Variants in DENND1B observed in about 807,000 individuals in gnomAD.
DENND1B encodes DENN domain-containing protein 1B.
Under a neutral mutation model 90.1 loss-of-function variants are expected in DENND1B, and 59 were observed. The observed-to-expected ratio is 0.65, with a 90% CI of 0.53 to 0.81. The LOEUF is 0.81. Ranked by LOEUF, DENND1B falls within the 40% of genes least tolerant of loss-of-function variation. The pLI is 0.00. For missense variants in DENND1B, 862 were observed against 912.6 expected (o/e 0.94, Z 0.71); for synonymous variants, 337 against 324.6 (o/e 1.04, Z -0.41).
At chr1:197,517,801 A>C (rs1668503623) in intron 20 of DENND1B, among the ~76,000 whole-genome samples, 1 of 151,822 alleles carries the variant, frequency 6.6e-6, no homozygotes, top group South Asian at 2.1e-4. Context: ...TGTTTGCTCC[A>C]CACTACTAAA....
At chr1:197,595,112 G>C in intron 14 of DENND1B, 96 bp downstream of exon 14, 1 of 1,370,636 alleles carries the variant, frequency 7.3e-7, no homozygotes, top group East Asian at 2.6e-5. Context: ...GATATTTTTT[G>C]AAGGTGTAAT....
At chr1:197,781,768 G>A in the DENND1B span, among the ~76,000 whole-genome samples, 9 of 152,014 alleles carry the variant, frequency 5.9e-5, no homozygotes, top group Admixed American at 2.0e-4. Context: ...TCCAGTTTGT[G>A]GACAAAAGAA....
intron 1 of DENND1B, 101 bp downstream of exon 1, chr1:197,775,038 C>CG: frequency 1.2e-6 from 1 of 856,842 alleles, no homozygotes; most frequent in Non-Finnish European, 1.5e-6. Flanking sequence ...CTCGGCCGCC[C>CG]GGGGAGCCGG....
At chr1:197,607,032 G>A in intron 13 of DENND1B, 41 bp downstream of exon 13, 22 of 1,450,336 alleles carry the variant, frequency 1.5e-5, no homozygotes, top group Non-Finnish European at 2.1e-5. Context: ...AGGTCCAGGA[G>A]AAAACATATA....
chr1:197,714,375 CAT>C (rs772278070), intron 3 of DENND1B, among the ~76,000 whole-genome samples: 5 of 152,086 alleles, frequency 3.3e-5, no homozygotes, highest in South Asian at 4.2e-4. Flanking sequence ...AAATCTATAA[CAT>C]AAAGTTTAAA....
At chr1:197,618,645 T>C (rs577442269) in intron 10 of DENND1B, among the ~76,000 whole-genome samples, 1 of 151,172 alleles carries the variant, frequency 6.6e-6, no homozygotes, top group East Asian at 1.9e-4. Context: ...ATTATATTTC[T>C]GTAGATGTAA....
intron 15 of DENND1B, among the ~76,000 whole-genome samples, chr1:197,578,869 ACCTCC>A (rs1363010896): frequency 6.6e-6 from 1 of 151,368 alleles, no homozygotes; most frequent in African/African-American, 2.4e-5. Flanking sequence ...CCTTTAAGGG[ACCTCC>A]CTAGTTAGCC....
At chr1:197,522,872 GA>G (rs1185459608) in intron 20 of DENND1B, among the ~76,000 whole-genome samples, 2 of 152,010 alleles carry the variant, frequency 1.3e-5, no homozygotes, top group Non-Finnish European at 2.9e-5. Flanking sequence ...AAACAGGTAA[GA>G]AAAAAATCTG....
At chr1:197,713,261 G>T (rs1312748075) in intron 3 of DENND1B, among the ~76,000 whole-genome samples, 1 of 72,084 alleles carries the variant, frequency 1.4e-5, no homozygotes, top group Non-Finnish European at 2.5e-5. Context: ...TATAAATCAT[G>T]CTGCTAAAAA....
chr1:197,618,762 T>C (rs2125865361), intron 10 of DENND1B, among the ~76,000 whole-genome samples: 1 of 151,256 alleles, frequency 6.6e-6, no homozygotes, highest in African/African-American at 2.4e-5. Flanking sequence ...TTTATTCAAC[T>C]TGAAGATCAG....
intron 8 of DENND1B, 67 bp from the exon 9 acceptor site, chr1:197,645,810 A>G: frequency 9.3e-7 from 1 of 1,075,794 alleles, no homozygotes; most frequent in Admixed American, 2.8e-5. Flanking sequence ...ATTTGTAATG[A>G]AAATCAGAAA....
chr1:197,654,014 C>T (rs899538368), intron 6 of DENND1B, among the ~76,000 whole-genome samples: 4 of 152,016 alleles, frequency 2.6e-5, no homozygotes, highest in African/African-American at 9.7e-5. Context: ...TAAAATTATT[C>T]AACTGTAAAA....
chr1:197,530,846 C>CT (rs1436189201), intron 20 of DENND1B, among the ~76,000 whole-genome samples: 2 of 152,122 alleles, frequency 1.3e-5, no homozygotes, highest in African/African-American at 4.8e-5. Flanking sequence ...AACATTAAGG[C>CT]TTAGGGATAT....
At chr1:197,697,709 A>G (rs1361508191) in intron 3 of DENND1B, among the ~76,000 whole-genome samples, 1 of 152,026 alleles carries the variant, frequency 6.6e-6, no homozygotes, top group Non-Finnish European at 1.5e-5. Context: ...GGATCAAAAT[A>G]AAGGGATGGA....
intron 2 of DENND1B, among the ~76,000 whole-genome samples, chr1:197,749,637 G>C (rs1017818723): frequency 6.6e-6 from 1 of 151,880 alleles, no homozygotes; most frequent in Non-Finnish European, 1.5e-5. Flanking sequence ...TAATACTCCA[G>C]GCTAAAAGAA....
chr1:197,654,054 GCAAT>G (rs780651890), intron 6 of DENND1B, among the ~76,000 whole-genome samples: 86 of 152,136 alleles, frequency 5.7e-4, no homozygotes, highest in Non-Finnish European at 1.0e-3. Flanking sequence ...ATAGAATTAA[GCAAT>G]CAAATATATA....
In DENND1B at chr1:197,555,897, T is replaced by C. The variant is rs149448690; in HGVS notation, c.1150-2785A>G. 5.9e-3 allele frequency among the ~76,000 whole-genome samples: 897 copies of C among 152,150 alleles called. 13 individuals are homozygous for C. The highest frequency in any genetic ancestry group is 0.02 in the African/African-American group (839 of 41,550). Reference sequence around the variant, plus strand: ...ATAAATAATTCCTCCAAAAAGACACTTGCATTTGTATGTTTATCCCGGCAC... The same window carrying C: ...ATAAATAATTCCTCCAAAAAGACACCTGCATTTGTATGTTTATCCCGGCAC... On this transcript the variant is annotated intron_variant, in intron 15 of 22. Transcript: ENST00000620048.
intron 8 of DENND1B, among the ~76,000 whole-genome samples, chr1:197,646,843 G>A (rs1196440588): frequency 1.3e-5 from 2 of 151,888 alleles, no homozygotes; most frequent in African/African-American, 4.8e-5. Context: ...CTTTTATTTG[G>A]AATAGTTTTT....
chr1:197,518,311 CCAA>C (rs560847104), intron 20 of DENND1B, among the ~76,000 whole-genome samples: 1 of 151,848 alleles, frequency 6.6e-6, no homozygotes, highest in South Asian at 2.1e-4. Context: ...AATTGTATAA[CCAA>C]CGCCTTATCT....
Sources: gnomAD v4.1 joint callset for allele counts (sites outside exome capture counted in the v4.1 genomes callset) on GRCh38, gnomAD v4.1.1 for gene constraint, MANE v1.5 for transcripts, NCBI Gene and HGNC (gene_info 2026-07-23, HGNC 2026-07-21) for gene names.